PTPN4: variants seen among roughly 807,000 people sequenced by gnomAD.
The protein encoded by PTPN4 is tyrosine-protein phosphatase non-receptor type 4.
In PTPN4, 49 loss-of-function variants were observed where a neutral mutation model predicts 135.5. That is an observed-to-expected ratio of 0.36 (90% CI 0.29 to 0.46). The LOEUF (loss-of-function observed/expected upper bound fraction) is 0.46. Ranked by LOEUF, PTPN4 falls within the 20% of genes least tolerant of loss-of-function variation. The pLI, the probability that PTPN4 is intolerant of heterozygous loss-of-function variation, is 1.00. For synonymous variants in PTPN4, 333 were observed against 369.9 expected, an observed-to-expected ratio of 0.90 and a Z score of 1.14; for missense variants, 860 against 1,101.0, an observed-to-expected ratio of 0.78 and a Z score of 3.10.
At chr2:119,886,748 A>G (rs902943590) in intron 9 of PTPN4, among the ~76,000 whole-genome samples, 1 of 152,210 alleles carries the variant, frequency 6.6e-6, no homozygotes, top group Non-Finnish European at 1.5e-5. Flanking sequence ...TTGTTGAAGT[A>G]CTCAAAGTTC....
intron 15 of PTPN4, among the ~76,000 whole-genome samples, chr2:119,937,168 A>G (rs1000034113): frequency 6.6e-6 from 1 of 152,234 alleles, no homozygotes; most frequent in African/African-American, 2.4e-5. Context: ...TGTATCCCCA[A>G]CAAGATGTTA....
chr2:119,839,738 G>A (rs1265101542), intron 2 of PTPN4, among the ~76,000 whole-genome samples: 1 of 152,082 alleles, frequency 6.6e-6, no homozygotes, highest in Non-Finnish European at 1.5e-5. Flanking sequence ...TGAAATTATT[G>A]TACAAAATAC....
intron 26 of PTPN4, among the ~76,000 whole-genome samples, chr2:119,974,994 A>G (rs911297825): frequency 4.6e-5 from 7 of 152,178 alleles, no homozygotes; most frequent in African/African-American, 1.7e-4. Flanking sequence ...CAACACTACC[A>G]CTATAAACAG....
At chr2:119,934,496 ATTT>A (rs1469282190) in intron 14 of PTPN4, among the ~76,000 whole-genome samples, 3 of 152,220 alleles carry the variant, frequency 2.0e-5, no homozygotes, top group Non-Finnish European at 2.9e-5. Context: ...TAATCCCTTT[ATTT>A]TATAAATGCT....
chr2:119,838,827 A>G (rs1677336466), intron 2 of PTPN4, among the ~76,000 whole-genome samples: 1 of 152,252 alleles, frequency 6.6e-6, no homozygotes, highest in South Asian at 2.1e-4. Context: ...CTGTTTTATC[A>G]TTCACTCATT....
At chr2:119,782,683 C>T (rs1246599413) in intron 1 of PTPN4, among the ~76,000 whole-genome samples, 2 of 150,564 alleles carry the variant, frequency 1.3e-5, no homozygotes, top group Non-Finnish European at 1.5e-5. Context: ...AGAAAGACCC[C>T]TGTGTTAGGC....
Position 119,773,868 on chromosome 2 carries a change from C to T in PTPN4, c.-18+13484C>T, listed in dbSNP as rs1461523820. Among the ~76,000 whole-genome samples, 5 of 151,908 alleles carry T rather than the reference C, an allele frequency of 3.3e-5. No homozygotes were observed. The East Asian group carries it at 5.8e-4, about 18-fold the overall frequency. On this transcript the variant is annotated intron_variant, in intron 1 of 26. Coordinates refer to ENST00000263708, the MANE Select transcript of PTPN4 (RefSeq NM_002830.4). ...TCTATTATAAAATGTTAAAATTTAA[C>T]GAAACTCACACAGACCATACATGGT... is the stretch of plus-strand genomic sequence containing the variant.
chr2:119,855,924 C>T (rs1056107296), intron 2 of PTPN4, among the ~76,000 whole-genome samples: 2 of 152,098 alleles, frequency 1.3e-5, no homozygotes, highest in African/African-American at 4.8e-5. Flanking sequence ...CCTGCCTCAG[C>T]CTCCCAAGTA....
intron 10 of PTPN4, 108 bp from the exon 11 acceptor site, chr2:119,915,070 GA>G (rs2105025222): frequency 1.1e-6 from 1 of 922,830 alleles, no homozygotes; most frequent in South Asian, 2.2e-5. Flanking sequence ...ATGTATATAT[GA>G]TAAAATGTTT....
chr2:119,837,115 G>C (rs554066120), intron 2 of PTPN4, among the ~76,000 whole-genome samples: 3 of 152,308 alleles, frequency 2.0e-5, no homozygotes, highest in Admixed American at 2.0e-4. Flanking sequence ...CCTGGAGGGG[G>C]ATAACTTAAA....
intron 1 of PTPN4, among the ~76,000 whole-genome samples, chr2:119,785,735 T>C (rs1173413358): frequency 6.6e-6 from 1 of 151,210 alleles, no homozygotes; most frequent in Non-Finnish European, 1.5e-5. Flanking sequence ...GTGTTTGCTT[T>C]GTGTGTGTGT....
chr2:119,929,902 A>G (rs1678879135), intron 13 of PTPN4, among the ~76,000 whole-genome samples: 1 of 152,276 alleles, frequency 6.6e-6, no homozygotes, highest in African/African-American at 2.4e-5. Flanking sequence ...TAGTTGATCT[A>G]TTGATTACAG....
chr2:119,823,662 A>G (rs1490983899), intron 2 of PTPN4, among the ~76,000 whole-genome samples: 1 of 152,140 alleles, frequency 6.6e-6, no homozygotes, highest in Admixed American at 6.5e-5. Flanking sequence ...TCTTTCCACA[A>G]CTCAAATTCT....
chr2:119,844,457 G>A (rs993630548), intron 2 of PTPN4, among the ~76,000 whole-genome samples: 3 of 148,186 alleles, frequency 2.0e-5, no homozygotes, highest in Admixed American at 1.3e-4. Context: ...CTTCTCAGAC[G>A]GGGCAGCTGC....
chr2:119,799,160 T>TA (rs2104941165), intron 1 of PTPN4, among the ~76,000 whole-genome samples: 2 of 152,312 alleles, frequency 1.3e-5, no homozygotes, highest in East Asian at 3.9e-4. Context: ...TAGGATGACT[T>TA]AATGTTCCTC....
chr2:119,921,416 A>G (rs1678735346), intron 12 of PTPN4, among the ~76,000 whole-genome samples: 1 of 152,200 alleles, frequency 6.6e-6, no homozygotes, highest in Non-Finnish European at 1.5e-5. Flanking sequence ...AAACATGTAT[A>G]ATTGCCTAAT....
At chr2:119,910,841 C>G (rs921465145) in intron 10 of PTPN4, among the ~76,000 whole-genome samples, 6 of 152,254 alleles carry the variant, frequency 3.9e-5, no homozygotes, top group African/African-American at 1.4e-4. Flanking sequence ...AATTAAACCT[C>G]TTTCCCCAAT....
At chr2:119,829,566 T>G (rs1003142610) in intron 2 of PTPN4, among the ~76,000 whole-genome samples, 3 of 152,236 alleles carry the variant, frequency 2.0e-5, no homozygotes, top group Admixed American at 2.0e-4. Flanking sequence ...ATAAGTAGAA[T>G]CATACAATAT....
chr2:119,909,065 A>G (rs1031242602), intron 10 of PTPN4, among the ~76,000 whole-genome samples: 2 of 152,206 alleles, frequency 1.3e-5, no homozygotes, highest in Non-Finnish European at 2.9e-5. Flanking sequence ...AGGCTTAAGA[A>G]AAGAGGTCAT....
Sources: allele counts gnomAD v4.1 joint callset (sites outside exome capture counted in the v4.1 genomes callset), GRCh38; gene constraint gnomAD v4.1.1; transcripts MANE v1.5; gene names NCBI Gene and HGNC (gene_info 2026-07-23, HGNC 2026-07-21).